The following ENO4 variants were observed in gnomAD, a reference collection of about 807,000 sequenced individuals.
The protein encoded by ENO4 is enolase 4.
ENO4 carries 53 observed loss-of-function variants against 63.2 expected under a neutral mutation model. That is an observed-to-expected ratio of 0.84 (90% confidence interval 0.67 to 1.05). The LOEUF is 1.05. Among genes scored for constraint, ENO4 ranks in the 50% least tolerant of loss-of-function variants. ENO4 has a pLI of 0.00. For synonymous variants in ENO4, 266 were observed against 283.8 expected (o/e 0.94, Z 0.63); for missense variants, 719 against 772.0 (o/e 0.93, Z 0.81).
intron 10 of ENO4, among the ~76,000 whole-genome samples, chr10:116,891,898 A>G (rs1462453656): frequency 6.6e-6 from 1 of 152,220 alleles, no homozygotes; most frequent in Non-Finnish European, 1.5e-5. Flanking sequence ...TCAAAACTTC[A>G]TTTTAGCTCA....
chr10:116,910,352 G>C (rs1025439720), intron 10 of ENO4, among the ~76,000 whole-genome samples: 5 of 152,202 alleles, frequency 3.3e-5, no homozygotes, highest in Non-Finnish European at 4.4e-5. Context: ...TCCAAGGCAA[G>C]AAGGATGGGG....
At chr10:116,876,848 G>A (rs1846848537) in intron 11 of ENO4, among the ~76,000 whole-genome samples, 1 of 152,152 alleles carries the variant, frequency 6.6e-6, no homozygotes, top group South Asian at 2.1e-4. Context: ...CTACTCGGGA[G>A]GCTGAGGCAG....
At chr10:116,880,341 T>A (rs1398331476) in intron 13 of ENO4, among the ~76,000 whole-genome samples, 1 of 152,088 alleles carries the variant, frequency 6.6e-6, no homozygotes, top group Admixed American at 6.5e-5. Flanking sequence ...TTCCTGAGGG[T>A]TTTTGGAAAC....
intron 3 of ENO4, 49 bp from the exon 4 acceptor site, chr10:116,858,941 T>G: frequency 2.4e-6 from 3 of 1,262,938 alleles, no homozygotes; most frequent in Non-Finnish European, 3.3e-6. Flanking sequence ...AATCACAGAG[T>G]GATATTCCTA....
At chr10:116,876,404 C>T in intron 11 of ENO4, 144 bp downstream of exon 11, 1 of 731,024 alleles carries the variant, frequency 1.4e-6, no homozygotes, top group South Asian at 2.1e-5. Flanking sequence ...AGATTTAGTG[C>T]TGGAACACAA....
At chr10:116,855,360 G>A (rs1358118508) in intron 1 of ENO4, among the ~76,000 whole-genome samples, 1 of 152,096 alleles carries the variant, frequency 6.6e-6, no homozygotes, top group Admixed American at 6.6e-5. Context: ...TTTCTGTTGA[G>A]AGTTCAACAT....
At chr10:116,881,021 TA>T (rs1008900365) in intron 13 of ENO4, among the ~76,000 whole-genome samples, 7 of 152,272 alleles carry the variant, frequency 4.6e-5, no homozygotes, top group African/African-American at 1.7e-4. Flanking sequence ...GAATCACTAT[TA>T]AAGGGACCAA....
At chr10:116,871,593 C>A (rs892788354) in intron 9 of ENO4, among the ~76,000 whole-genome samples, 4 of 152,114 alleles carry the variant, frequency 2.6e-5, no homozygotes, top group Non-Finnish European at 5.9e-5. Flanking sequence ...AATAATTTAA[C>A]AAACTGCATT....
chr10:116,911,047 C>T (rs553961706), intron 10 of ENO4, among the ~76,000 whole-genome samples: 2 of 152,326 alleles, frequency 1.3e-5, no homozygotes, highest in East Asian at 3.9e-4. Flanking sequence ...CCTCCGCCCC[C>T]ATGTTTGTTG....
At chr10:116,868,354 T>G (rs1846599182) in intron 7 of ENO4, among the ~76,000 whole-genome samples, 1 of 152,238 alleles carries the variant, frequency 6.6e-6, no homozygotes, top group Non-Finnish European at 1.5e-5. Flanking sequence ...AACACATTAT[T>G]TATATGCATA....
In ENO4 at chr10:116,879,991, G is replaced by A. The variant is rs1225465440; in HGVS notation, c.1723+5G>A. 3 of 1,533,144 alleles carry A rather than the reference G, an allele frequency of 2.0e-6. No individual in the cohort carries two copies. Among genetic ancestry groups the A allele is most frequent in the Non-Finnish European group, 1.8e-6 (2 of 1,132,316 alleles). 95.0% of individuals were successfully genotyped at this position (1,533,144 alleles called of 1,614,324 possible). On this transcript the variant is annotated splice_donor_5th_base_variant and intron_variant, in intron 13 of 13. Coordinates refer to ENST00000341276, the MANE Select transcript of ENO4 (RefSeq NM_001242699.2). ...TTGTCCAGAATGGAACACTGGGTAT[G>A]CGCTGCTTTCTTGCTTTGTTTCCAC...
chr10:116,902,596 T>A (rs1847789171), intron 10 of ENO4, among the ~76,000 whole-genome samples: 1 of 152,226 alleles, frequency 6.6e-6, no homozygotes, highest in Admixed American at 6.5e-5. Flanking sequence ...ACTGGAATTA[T>A]TGGCATATCA....
At chr10:116,860,205 T>C (rs1469993862) in intron 4 of ENO4, among the ~76,000 whole-genome samples, 1 of 152,198 alleles carries the variant, frequency 6.6e-6, no homozygotes, top group Non-Finnish European at 1.5e-5. Context: ...ATGGACTCTG[T>C]CCGGACCTCA....
At chr10:116,911,523 C>A (rs1296885443) in exon 11 of ENO4, 1 of 1,550,504 alleles carries the variant, frequency 6.4e-7, no homozygotes, top group East Asian at 2.4e-5. Context: ...AGCTGTGATG[C>A]CAGGATTGGA....
At chr10:116,909,903 C>T (rs1589798047) in intron 10 of ENO4, among the ~76,000 whole-genome samples, 1 of 152,066 alleles carries the variant, frequency 6.6e-6, no homozygotes, top group Non-Finnish European at 1.5e-5. Context: ...CCCCTGGTAC[C>T]AGTGCTTGTG....
intron 11 of ENO4, 139 bp from the exon 12 acceptor site, chr10:116,879,152 G>A (rs1846925548): frequency 3.3e-6 from 2 of 599,196 alleles, no homozygotes; most frequent in Non-Finnish European, 5.8e-6. Context: ...AAATGCAAAC[G>A]TTAGAATCCT....
intron 10 of ENO4, among the ~76,000 whole-genome samples, chr10:116,875,574 C>CACACACACACAG (rs1846808864): frequency 6.6e-6 from 1 of 151,760 alleles, no homozygotes; most frequent in Non-Finnish European, 1.5e-5. Context: ...CACACACACA[C>CACACACACACAG]ACACACACAC....
chr10:116,853,775 T>C (rs984555395), intron 1 of ENO4, among the ~76,000 whole-genome samples: 5 of 152,210 alleles, frequency 3.3e-5, no homozygotes, highest in Non-Finnish European at 5.9e-5. Flanking sequence ...CACGGATAGC[T>C]TGAAAATGAG....
chr10:116,894,505 A>G (rs1847444988), intron 10 of ENO4, among the ~76,000 whole-genome samples: 1 of 152,206 alleles, frequency 6.6e-6, no homozygotes, highest in Non-Finnish European at 1.5e-5. Flanking sequence ...AAGCATGATA[A>G]ATTAGAAAAA....
Sources: allele counts gnomAD v4.1 joint callset (sites outside exome capture counted in the v4.1 genomes callset), GRCh38; gene constraint gnomAD v4.1.1; transcripts MANE v1.5; gene names NCBI Gene and HGNC (gene_info 2026-07-23, HGNC 2026-07-21).